CDH23: variants seen among roughly 807,000 people sequenced by gnomAD.
The protein encoded by CDH23 is cadherin-23.
CDH23 carries 189 observed loss-of-function variants against 317.1 expected under a neutral mutation model. The ratio of observed to expected loss-of-function variants is 0.60; its 90% CI spans 0.53 to 0.67. The LOEUF is 0.67. CDH23 is among the 30% of genes least tolerant of loss of function. The pLI, the probability that CDH23 is intolerant of heterozygous loss-of-function variation, is 0.00. For missense variants in CDH23, 4,401 were observed against 4,592.4 expected, an observed-to-expected ratio of 0.96 and a Z score of 1.20; for synonymous variants, 1,839 against 1,876.8, an observed-to-expected ratio of 0.98 and a Z score of 0.52.
At chr10:71,802,441 C>T (rs1396393069) in intron 53 of CDH23, among the ~76,000 whole-genome samples, 2 of 152,162 alleles carry the variant, frequency 1.3e-5, no homozygotes, top group Non-Finnish European at 2.9e-5. Flanking sequence ...GGGGGTCAGC[C>T]AGGGAAGCCA....
At chr10:71,601,959 G>T (rs1347548789) in intron 9 of CDH23, among the ~76,000 whole-genome samples, 3 of 105,080 alleles carry the variant, frequency 2.9e-5, no homozygotes, top group African/African-American at 1.1e-4. Context: ...GGTGGGCGGC[G>T]GAGGGGGGGG....
chr10:71,734,151 A>C, intron 32 of CDH23, 89 bp from the exon 33 acceptor site: 1 of 1,021,396 alleles, frequency 9.8e-7, no homozygotes, highest in Non-Finnish European at 1.5e-6. Flanking sequence ...GGACAGAGGA[A>C]GTGACATGGA....
In CDH23 at chr10:71,724,110, G is replaced by A; in HGVS notation, c.3430+5G>A. The A allele has an allele frequency of 1.3e-6, 2 of 1,556,054 alleles. No homozygotes were observed. Among genetic ancestry groups the A allele is most frequent in the Non-Finnish European group, 1.7e-6 (2 of 1,149,342 alleles). On this transcript the variant is annotated splice_donor_5th_base_variant and intron_variant, in intron 29 of 69. Coordinates refer to ENST00000224721, the MANE Select transcript of CDH23 (RefSeq NM_022124.6). ...TGTGGTACCGCATCCTCCATGGTAA[G>A]TGGGGCTGCCCTAGGATGGGGGGCG...
At chr10:71,482,007 C>T (rs112964151) in intron 3 of CDH23, among the ~76,000 whole-genome samples, 1,738 of 152,204 alleles carry the variant, frequency 0.011, 56 homozygotes, top group African/African-American at 0.039. Context: ...TGTGAGTCCT[C>T]TTCCCACCCT....
At chr10:71,596,570 C>G (rs1250934330) in intron 9 of CDH23, among the ~76,000 whole-genome samples, 1 of 152,190 alleles carries the variant, frequency 6.6e-6, no homozygotes, top group Non-Finnish European at 1.5e-5. Context: ...CCTGATCCAG[C>G]CTTTATTCGG....
intron 11 of CDH23, among the ~76,000 whole-genome samples, chr10:71,621,238 A>C (rs1228160355): frequency 6.6e-6 from 1 of 152,164 alleles, no homozygotes; most frequent in African/African-American, 2.4e-5. Flanking sequence ...GTTGAAGGTG[A>C]CTCTGGATTT....
intron 24 of CDH23, among the ~76,000 whole-genome samples, chr10:71,702,961 C>T (rs908406731): frequency 6.6e-6 from 1 of 152,174 alleles, no homozygotes; most frequent in African/African-American, 2.4e-5. Flanking sequence ...AGGTCTGGCC[C>T]AGGACCTTGG....
rs1859947187 is a variant in CDH23, at chr10:71,597,591, G to A, written c.833-17913G>A. On this transcript the variant is annotated intron_variant, in intron 9 of 69. Transcript: ENST00000224721. ...AAGGAGGCTCCTTTCAGTGCAGGAG[G>A]GCAGTAGGGATTGGCAGGACCTGGC... 2.0e-5 allele frequency among the ~76,000 whole-genome samples: 3 copies of A among 151,954 alleles called. No homozygotes were observed. In the South Asian group the frequency reaches 6.2e-4, roughly 32 times the overall value.
Position 71,593,587 on chromosome 10 carries a change from G to A in CDH23, c.832+15595G>A, listed in dbSNP as rs531379343. Among the ~76,000 whole-genome samples the A allele has an allele frequency of 2.6e-5, 4 of 152,302 alleles. No homozygotes were observed. The East Asian group carries it at 7.7e-4, about 29-fold the overall frequency. On this transcript the variant is annotated intron_variant, in intron 9 of 69. Transcript: ENST00000224721. ...GGAACTAATAGCTAGCATATATAAG[G>A]AATTCCTGCAGATCGAGAGGAAAAA...
At chr10:71,645,615 G>C in intron 12 of CDH23, 1 of 744,392 alleles carries the variant, frequency 1.3e-6, no homozygotes. Context: ...GGAAGGAAAA[G>C]AGAGCCAGAG....
intron 11 of CDH23, among the ~76,000 whole-genome samples, chr10:71,625,712 G>A (rs900779974): frequency 2.0e-5 from 3 of 152,204 alleles, no homozygotes; most frequent in African/African-American, 4.8e-5. Context: ...CAAAGGTTGC[G>A]TTCCTGGCTG....
intron 6 of CDH23, among the ~76,000 whole-genome samples, chr10:71,535,675 A>G (rs989736644): frequency 6.6e-6 from 1 of 152,224 alleles, no homozygotes; most frequent in Non-Finnish European, 1.5e-5. Context: ...GCCAGCGGCA[A>G]CTGTCCCTGG....
chr10:71,473,384 C>T (rs1250801995), intron 3 of CDH23, among the ~76,000 whole-genome samples: 1 of 152,206 alleles, frequency 6.6e-6, no homozygotes, highest in Non-Finnish European at 1.5e-5. Flanking sequence ...CCTGTGTGTT[C>T]ATTCATAAGT....
chr10:71,604,987 G>A (rs1860444589), intron 9 of CDH23, among the ~76,000 whole-genome samples: 1 of 152,220 alleles, frequency 6.6e-6, no homozygotes, highest in Non-Finnish European at 1.5e-5. Context: ...TGGTAACCCA[G>A]GGAGAGGAAG....
chr10:71,801,927 C>G (rs551009016), intron 53 of CDH23, among the ~76,000 whole-genome samples: 75 of 152,334 alleles, frequency 4.9e-4, no homozygotes, highest in African/African-American at 1.7e-3. Context: ...CCTCCATTGT[C>G]AAATCTGCAA....
In CDH23 at chr10:71,803,274, AAGTTC is replaced by A; in HGVS notation, c.7730_7734del (p.Phe2577SerfsTer28). 6.3e-7 allele frequency: 1 copy of A among 1,592,696 alleles called. No individual in the cohort carries two copies. The highest frequency in any genetic ancestry group is 8.6e-7 in the Non-Finnish European group (1 of 1,169,164). Reference sequence around the variant, plus strand: ...ACAGCGGCCACTGCAGTCCTACGAGAAGTTCAGTCTGACCGTGGTGGCCACAGATG... The same window carrying A: ...ACAGCGGCCACTGCAGTCCTACGAGAAGTCTGACCGTGGTGGCCACAGATG... On this transcript the variant is annotated frameshift_variant, in exon 55 of 70. Transcript: ENST00000224721. LOFTEE classifies it high-confidence loss of function.
intron 14 of CDH23, among the ~76,000 whole-genome samples, chr10:71,663,713 C>A (rs1863771718): frequency 1.3e-5 from 2 of 152,224 alleles, no homozygotes; most frequent in Non-Finnish European, 2.9e-5. Flanking sequence ...ATGTGCATTT[C>A]TTAGAATAAT....
At chr10:71,593,318 C>A (rs919594806) in intron 9 of CDH23, among the ~76,000 whole-genome samples, 8 of 152,072 alleles carry the variant, frequency 5.3e-5, no homozygotes, top group African/African-American at 1.9e-4. Flanking sequence ...ACACCATATA[C>A]CAAGGTAGAC....
intron 6 of CDH23, among the ~76,000 whole-genome samples, chr10:71,542,319 C>T (rs925018549): frequency 3.3e-5 from 5 of 152,202 alleles, no homozygotes; most frequent in African/African-American, 1.2e-4. Context: ...CCTCCTTTTC[C>T]TCATATGGAG....
Sources: allele counts gnomAD v4.1 joint callset (sites outside exome capture counted in the v4.1 genomes callset), GRCh38; gene constraint gnomAD v4.1.1; transcripts MANE v1.5; gene names NCBI Gene and HGNC (gene_info 2026-07-23, HGNC 2026-07-21).